The following PCOLCE2 variants were observed in gnomAD, a reference collection of about 807,000 sequenced individuals.
PCOLCE2 encodes the protein procollagen C-proteinase enhancer 2.
In PCOLCE2, 42 loss-of-function variants were observed where a neutral mutation model predicts 47.0. The ratio of observed to expected loss-of-function variants is 0.89; its 90% CI spans 0.70 to 1.16. PCOLCE2 has a LOEUF of 1.16. Ranked by LOEUF, PCOLCE2 falls within the 50% of genes most tolerant of loss-of-function variation. The pLI is 0.00. For synonymous variants in PCOLCE2, 169 were observed against 191.7 expected, an observed-to-expected ratio of 0.88 and a Z score of 0.98; for missense variants, 500 against 526.1, an observed-to-expected ratio of 0.95 and a Z score of 0.49.
At chr3:142,824,877 C>G (rs1937056642) in intron 6 of PCOLCE2, among the ~76,000 whole-genome samples, 3 of 152,144 alleles carry the variant, frequency 2.0e-5, no homozygotes, top group Admixed American at 2.0e-4. Flanking sequence ...ATTTGCCTGT[C>G]TCGGCCTCTG....
intron 2 of PCOLCE2, among the ~76,000 whole-genome samples, chr3:142,865,077 G>A (rs1004853073): frequency 6.6e-6 from 1 of 151,744 alleles, no homozygotes; most frequent in Admixed American, 6.6e-5. Context: ...CAAAGTGGCT[G>A]TACCATTTTA....
intron 2 of PCOLCE2, among the ~76,000 whole-genome samples, chr3:142,866,444 T>C (rs867250452): frequency 1.3e-5 from 2 of 152,148 alleles, no homozygotes; most frequent in African/African-American, 4.8e-5. Context: ...AGAAAGCAGA[T>C]GGTGGGACTT....
intron 8 of PCOLCE2, 67 bp downstream of exon 8, chr3:142,820,811 C>T (rs966688356): frequency 7.0e-7 from 1 of 1,432,138 alleles, no homozygotes. Flanking sequence ...ATTTTACTTC[C>T]CTAGACCAAC....
At chr3:142,837,537 G>A (rs1171937946) in intron 5 of PCOLCE2, among the ~76,000 whole-genome samples, 3 of 152,062 alleles carry the variant, frequency 2.0e-5, no homozygotes, top group Non-Finnish European at 4.4e-5. Flanking sequence ...ATAAAATCAA[G>A]TGATGCATAT....
chr3:142,881,939 T>C (rs1323245576), intron 2 of PCOLCE2, among the ~76,000 whole-genome samples: 1 of 152,162 alleles, frequency 6.6e-6, no homozygotes, highest in East Asian at 1.9e-4. Context: ...CTTTTCACTT[T>C]AATGGGACTG....
intron 3 of PCOLCE2, among the ~76,000 whole-genome samples, chr3:142,846,115 T>G (rs982553705): frequency 9.2e-5 from 14 of 152,250 alleles, no homozygotes; most frequent in Admixed American, 7.8e-4. Context: ...TAAATTTCTG[T>G]AATTTAATTA....
chr3:142,849,199 C>A (rs986446605), intron 2 of PCOLCE2, among the ~76,000 whole-genome samples: 1 of 151,988 alleles, frequency 6.6e-6, no homozygotes, highest in Non-Finnish European at 1.5e-5. Context: ...AGGACGCATT[C>A]AATGCCTGTG....
rs760523969 is a variant in PCOLCE2 at position 142,848,422 on chromosome 3, C to G, written c.243G>C (p.Glu81Asp). 15 of 1,609,224 alleles carry G rather than the reference C, an allele frequency of 9.3e-6. No homozygotes were observed. Among genetic ancestry groups the G allele is most frequent in the South Asian group, 4.4e-5 (4 of 90,980 alleles). The change falls in exon 3 of 9, where the codon GAG (glutamate) becomes GAC (aspartate). Residue 81 changes from glutamate (E) to aspartate (D), a missense_variant. Transcript: ENST00000295992. ...AGTCATAGCGGCACAGGTTGTCACT[C>G]TCGAGGTCTATGAATCGGAAATTGA... The part of the protein sequence containing the change: ...VVLNFRFIDL[E>D]SDNLCRYDFV...
chr3:142,875,762 C>G (rs774990905), intron 2 of PCOLCE2, among the ~76,000 whole-genome samples: 53 of 152,048 alleles, frequency 3.5e-4, no homozygotes, highest in Non-Finnish European at 6.6e-4. Flanking sequence ...CACCCAGAAC[C>G]CAAGGCAACA....
intron 8 of PCOLCE2, 41 bp from the exon 9 acceptor site, chr3:142,818,506 T>A (rs1560127693): frequency 6.6e-7 from 1 of 1,509,622 alleles, no homozygotes; most frequent in South Asian, 1.1e-5. Context: ...TTTCTCTATG[T>A]ATCATGTGTG....
At chr3:142,888,499 T>G (rs1027871357) in intron 1 of PCOLCE2, among the ~76,000 whole-genome samples, 1 of 152,242 alleles carries the variant, frequency 6.6e-6, no homozygotes. Flanking sequence ...AGTGCTTCCC[T>G]CTGGCCCCAT....
chr3:142,883,198 CAA>C (rs750569279), intron 2 of PCOLCE2, among the ~76,000 whole-genome samples: 29 of 71,890 alleles, frequency 4.0e-4, no homozygotes, highest in Admixed American at 1.1e-3. Context: ...GACTCCGTCT[CAA>C]AAAAAAAAAA....
At position 142,843,096 on chromosome 3, in the gene PCOLCE2, C is replaced by G. The variant is rs1458847875; in HGVS notation, c.449-48G>C. On this transcript the variant is annotated intron_variant, in intron 3 of 8. Transcript: ENST00000295992. Reference sequence around the variant, plus strand: ...AAAGCCCACAAGTTTATGTAGGTTACAGCAATACAACCATGTGGAGATTAG... The same window carrying G: ...AAAGCCCACAAGTTTATGTAGGTTAGAGCAATACAACCATGTGGAGATTAG... The G allele has an allele frequency of 3.8e-6, 6 of 1,582,708 alleles. No homozygotes were observed. In the Admixed American group the frequency reaches 5.1e-5, roughly 13 times the overall value.
intron 2 of PCOLCE2, among the ~76,000 whole-genome samples, chr3:142,861,377 C>A (rs1007544471): frequency 6.6e-6 from 1 of 152,166 alleles, no homozygotes; most frequent in African/African-American, 2.4e-5. Flanking sequence ...TTAGAACTCT[C>A]GTTAGTCAGA....
rs1560127678 is a variant in PCOLCE2, at chr3:142,818,472, AAAGAG to A, written c.1118-12_1118-8del. ...ATAATAATGTAATTTAGACCTAAAG[AAAGAG>A]AATACAGAAATTAATCTTTTTCTCT... is the stretch of plus-strand genomic sequence containing the variant. On this transcript the variant is annotated splice_polypyrimidine_tract_variant and splice_region_variant and intron_variant, in intron 8 of 8. Transcript: ENST00000295992. 1 of 1,606,240 alleles carries A rather than the reference AAAGAG, an allele frequency of 6.2e-7. No homozygotes were observed.
chr3:142,847,267 G>C (rs1178748612), intron 3 of PCOLCE2, among the ~76,000 whole-genome samples: 2 of 152,120 alleles, frequency 1.3e-5, no homozygotes, highest in Non-Finnish European at 2.9e-5. Context: ...GATTTCAGTA[G>C]ATTTTATACG....
chr3:142,859,066 CT>C (rs869252402), intron 2 of PCOLCE2, among the ~76,000 whole-genome samples: 497 of 142,462 alleles, frequency 3.5e-3, no homozygotes, highest in East Asian at 3.7e-3. Flanking sequence ...ATGTTTTCTT[CT>C]TTTTTTTTTT....
chr3:142,888,853 G>T lies in PCOLCE2; in HGVS notation c.44C>A (p.Ala15Asp). 6.5e-7 allele frequency: 1 copy of T among 1,548,320 alleles called. No individual in the cohort carries two copies. Among genetic ancestry groups the T allele is most frequent in the South Asian group, 1.2e-5 (1 of 83,032 alleles). ...NAWAPLCLLL[A>D]AATQLSRQQS... ...CTGCCGCGAGAGCTGGGTGGCGGCA[G>T]CCAGCAGCAGGCAGAGTGGCGCCCA... Residue 15 changes from alanine (A) to aspartate (D), a missense_variant, in exon 1 of 9, where the codon GCT becomes GAT. Coordinates refer to ENST00000295992, the MANE Select transcript of PCOLCE2 (RefSeq NM_013363.4).
chr3:142,833,179 T>G (rs1252704653), intron 5 of PCOLCE2, among the ~76,000 whole-genome samples: 1 of 152,174 alleles, frequency 6.6e-6, no homozygotes, highest in East Asian at 1.9e-4. Context: ...AGTGTGCATT[T>G]TTTTTTTCTT....
Sources: allele counts gnomAD v4.1 joint callset (sites outside exome capture counted in the v4.1 genomes callset), GRCh38; gene constraint gnomAD v4.1.1; transcripts MANE v1.5; gene names NCBI Gene and HGNC (gene_info 2026-07-23, HGNC 2026-07-21).